MRTFB: variants seen among roughly 807,000 people sequenced by gnomAD.
MRTFB encodes myocardin related transcription factor B.
Under a neutral mutation model 104.2 loss-of-function variants are expected in MRTFB, and 29 were observed. That is an observed-to-expected ratio of 0.28 (90% CI 0.21 to 0.38). The LOEUF (loss-of-function observed/expected upper bound fraction) is 0.38, where lower values mean the gene tolerates loss of function less well. Ranked by LOEUF, MRTFB falls within the 10% of genes least tolerant of loss-of-function variation. The pLI, the probability that MRTFB is intolerant of heterozygous loss-of-function variation, is 1.00. For synonymous variants in MRTFB, 535 were observed against 519.5 expected (o/e 1.03, Z -0.41); for missense variants, 1,270 against 1,341.6 (o/e 0.95, Z 0.83).
the MRTFB span, among the ~76,000 whole-genome samples, chr16:14,005,925 C>T: frequency 2.1e-3 from 325 of 152,310 alleles, 1 homozygote; most frequent in Admixed American, 3.9e-3. Context: ...ATGAATGTTA[C>T]GGCTGGGTGT....
chr16:14,052,168 G>T, the MRTFB span, among the ~76,000 whole-genome samples: 55 of 152,262 alleles, frequency 3.6e-4, 1 homozygote, highest in South Asian at 9.1e-3. Flanking sequence ...TGTTTCCTTT[G>T]TTCTTTACGT....
intron 8 of MRTFB, among the ~76,000 whole-genome samples, chr16:14,222,379 CA>C (rs2041767428): frequency 6.6e-6 from 1 of 152,144 alleles, no homozygotes; most frequent in African/African-American, 2.4e-5. Flanking sequence ...CAGCCCAACA[CA>C]AATTCATAAA....
chr16:14,254,618 A>G (rs1597387561), intron 15 of MRTFB, among the ~76,000 whole-genome samples: 2 of 152,382 alleles, frequency 1.3e-5, no homozygotes, highest in South Asian at 4.1e-4. Flanking sequence ...TCAGCTGAAG[A>G]CAAAAGATCT....
chr16:14,179,022 C>T (rs550582381), intron 3 of MRTFB, among the ~76,000 whole-genome samples: 2 of 152,220 alleles, frequency 1.3e-5, no homozygotes, highest in East Asian at 1.9e-4. Context: ...GAATTACAGG[C>T]ATGAGCCACC....
intron 2 of MRTFB, chr16:14,092,971 G>C (rs1374922912): frequency 2.0e-5 from 3 of 152,172 alleles, no homozygotes; most frequent in Admixed American, 6.5e-5. Context: ...AAAATAAAAT[G>C]AATTATAGAC....
In MRTFB at chr16:14,177,905, T is replaced by TGG. The variant is rs768257051; in HGVS notation, c.155-32337_155-32336insGG. 8.6e-6 allele frequency among the ~76,000 whole-genome samples: 1 copy of TGG among 116,120 alleles called. No homozygotes were observed. The highest frequency in any genetic ancestry group is 2.3e-4 in the South Asian group (1 of 4,400). The allele number at this position is 116,120 out of a possible 152,430, so 76.2% of individuals were successfully genotyped here. On this transcript the variant is annotated intron_variant, in intron 3 of 16. Transcript: ENST00000571589. This position sits in a 1 kb window ranked among gnomAD's most constrained non-coding sequence, Gnocchi z 4.7. ...AGAAGTACATGAACCAGAGGTAGGGTGTGTGTGTGTGTGTGTGTGTGTGTG... is the reference window on the plus strand; with the variant it reads ...AGAAGTACATGAACCAGAGGTAGGGTGGGTGTGTGTGTGTGTGTGTGTGTGTG...
At chr16:14,025,166 T>A in the MRTFB span, among the ~76,000 whole-genome samples, 2 of 152,142 alleles carry the variant, frequency 1.3e-5, no homozygotes, top group African/African-American at 4.8e-5. Context: ...CAGCCAGCCA[T>A]AAGAAGGATG....
At chr16:14,032,867 G>T in the MRTFB span, among the ~76,000 whole-genome samples, 1 of 152,092 alleles carries the variant, frequency 6.6e-6, no homozygotes, top group African/African-American at 2.4e-5. Flanking sequence ...TGTCACCCAG[G>T]CTGGAATACA....
chr16:14,110,706 G>A (rs1174546107), intron 2 of MRTFB, among the ~76,000 whole-genome samples: 1 of 152,138 alleles, frequency 6.6e-6, no homozygotes, highest in East Asian at 1.9e-4. Context: ...TCTAGGAAAT[G>A]TCTTGTCTTT....
chr16:14,067,554 C>G (rs1567283447), upstream of MRTFB, among the ~76,000 whole-genome samples: 3 of 152,142 alleles, frequency 2.0e-5, no homozygotes, highest in African/African-American at 7.2e-5. Flanking sequence ...TCAAAATTCT[C>G]TTAAGTTTCA....
At chr16:14,101,423 A>T (rs964260283) in intron 2 of MRTFB, among the ~76,000 whole-genome samples, 1 of 152,178 alleles carries the variant, frequency 6.6e-6, no homozygotes, top group Admixed American at 6.5e-5. Context: ...GGTGAATTCT[A>T]TGGATAAATC....
intron 3 of MRTFB, chr16:14,200,147 A>G: frequency 1.4e-6 from 1 of 697,060 alleles, no homozygotes; most frequent in Non-Finnish European, 2.3e-6. Flanking sequence ...ATTTATAGGT[A>G]TATCATCAAA....
intron 2 of MRTFB, among the ~76,000 whole-genome samples, chr16:14,137,936 C>T (rs1384358677): frequency 1.3e-5 from 2 of 151,928 alleles, no homozygotes; most frequent in Non-Finnish European, 2.9e-5. Flanking sequence ...TTGTTTTCTG[C>T]TTGTCCCATC....
At chr16:14,039,760 C>CTTTTTTTTTTTTT in the MRTFB span, among the ~76,000 whole-genome samples, 1 of 121,928 alleles carries the variant, frequency 8.2e-6, no homozygotes, top group African/African-American at 3.0e-5. Context: ...ATAATATGTT[C>CTTTTTTTTTTTTT]TTTTTTTTTT....
the MRTFB span, among the ~76,000 whole-genome samples, chr16:14,021,462 G>T: frequency 6.6e-6 from 1 of 152,146 alleles, no homozygotes; most frequent in African/African-American, 2.4e-5. Context: ...GGAACAGGTG[G>T]TGTTTGGTTA....
chr16:14,016,384 T>C, the MRTFB span, among the ~76,000 whole-genome samples: 1 of 147,952 alleles, frequency 6.8e-6, no homozygotes, highest in Admixed American at 6.8e-5. Flanking sequence ...TTTTTTTAGG[T>C]GGGTCCCACT....
intron 3 of MRTFB, among the ~76,000 whole-genome samples, chr16:14,168,607 A>G (rs961415608): frequency 6.6e-6 from 1 of 152,226 alleles, no homozygotes; most frequent in Non-Finnish European, 1.5e-5. Flanking sequence ...GTGTATGAGT[A>G]GATCACAGTT....
the MRTFB span, among the ~76,000 whole-genome samples, chr16:14,026,138 C>A: frequency 1.3e-5 from 2 of 151,974 alleles, no homozygotes; most frequent in African/African-American, 4.8e-5. Flanking sequence ...AAAATTTACA[C>A]AGAAAGGTAA....
intron 3 of MRTFB, chr16:14,143,628 A>G (rs1194328688): frequency 1.3e-5 from 2 of 151,788 alleles, no homozygotes; most frequent in African/African-American, 4.8e-5. Flanking sequence ...GTCATTTAAC[A>G]TTAGATATAT....
Sources: allele counts gnomAD v4.1 joint callset (sites outside exome capture counted in the v4.1 genomes callset), GRCh38; gene constraint gnomAD v4.1.1; non-coding constraint Gnocchi (gnomAD v3.1); transcripts MANE v1.5; gene names NCBI Gene and HGNC (gene_info 2026-07-23, HGNC 2026-07-21).